CAMK4: variants seen among roughly 807,000 people sequenced by gnomAD.
The protein encoded by CAMK4 is calcium/calmodulin dependent protein kinase IV.
In CAMK4, 22 loss-of-function variants were observed where a neutral mutation model predicts 44.9. That is an observed-to-expected ratio of 0.49 (90% CI 0.35 to 0.70). CAMK4 has a LOEUF of 0.70. Among genes scored for constraint, CAMK4 ranks in the 30% least tolerant of loss-of-function variants. The pLI is 0.01. For synonymous variants in CAMK4, 218 were observed against 215.4 expected (o/e 1.01, Z -0.11); for missense variants, 498 against 586.8 (o/e 0.85, Z 1.56).
At chr5:111,461,738 C>A (rs542907275) in intron 7 of CAMK4, among the ~76,000 whole-genome samples, 1 of 141,428 alleles carries the variant, frequency 7.1e-6, no homozygotes, top group Non-Finnish European at 1.5e-5. Flanking sequence ...TAGAGAGACT[C>A]TAGATGCTGG....
intron 4 of CAMK4, among the ~76,000 whole-genome samples, chr5:111,385,669 G>T (rs1751574708): frequency 6.6e-6 from 1 of 152,186 alleles, no homozygotes; most frequent in East Asian, 1.9e-4. Context: ...CACCTCCCGG[G>T]TTCACTCCAT....
At chr5:111,241,249 G>A (rs189966365) in intron 1 of CAMK4, among the ~76,000 whole-genome samples, 37 of 151,238 alleles carry the variant, frequency 2.4e-4, no homozygotes, top group Non-Finnish European at 2.7e-4. Context: ...TAATTACCAT[G>A]TCTTCCTTGC....
chr5:111,253,075 C>T (rs1192974359), intron 1 of CAMK4, among the ~76,000 whole-genome samples: 7 of 152,180 alleles, frequency 4.6e-5, no homozygotes, highest in African/African-American at 7.2e-5. Context: ...TTGTAGGTTA[C>T]TTGGCTTCCG....
chr5:111,458,139 T>C (rs559508802), intron 7 of CAMK4, among the ~76,000 whole-genome samples: 62 of 152,258 alleles, frequency 4.1e-4, no homozygotes, highest in Non-Finnish European at 6.0e-4. Flanking sequence ...ACTTTCTCCC[T>C]AAGGAGATTG....
At chr5:111,376,372 C>CTT (rs1383580325) in intron 3 of CAMK4, among the ~76,000 whole-genome samples, 3 of 151,988 alleles carry the variant, frequency 2.0e-5, no homozygotes, top group African/African-American at 7.2e-5. Context: ...CCACTGACAG[C>CTT]TTTTTAACTA....
At chr5:111,394,344 TAAAAC>T (rs949793656) in intron 4 of CAMK4, among the ~76,000 whole-genome samples, 14 of 152,266 alleles carry the variant, frequency 9.2e-5, no homozygotes, top group African/African-American at 2.2e-4. Flanking sequence ...ATTAAGCAGA[TAAAAC>T]AAAACTTCAT....
At chr5:111,374,458 C>T (rs1034208562) in intron 2 of CAMK4, among the ~76,000 whole-genome samples, 7 of 152,056 alleles carry the variant, frequency 4.6e-5, no homozygotes, top group South Asian at 4.1e-4. Context: ...GTGCTACATC[C>T]GTGTGAGAAG....
intron 7 of CAMK4, among the ~76,000 whole-genome samples, chr5:111,465,253 A>G (rs1016230816): frequency 6.6e-6 from 1 of 152,040 alleles, no homozygotes; most frequent in African/African-American, 2.4e-5. Context: ...AAAAAGTCTG[A>G]AAGAGCACAA....
intron 5 of CAMK4, among the ~76,000 whole-genome samples, chr5:111,417,985 C>G (rs1023049940): frequency 6.6e-6 from 1 of 151,768 alleles, no homozygotes; most frequent in East Asian, 1.9e-4. Flanking sequence ...ATACTTACAA[C>G]TGATATTTTG....
At chr5:111,238,808 CTTTTTTTTTTTTTT>C (rs57552178) in intron 1 of CAMK4, among the ~76,000 whole-genome samples, 4 of 45,892 alleles carry the variant, frequency 8.7e-5, no homozygotes, top group Non-Finnish European at 1.7e-4. Flanking sequence ...AGAGGCTCTT[CTTTTTTTTTTTTTT>C]TTTTTTTTTT....
At chr5:111,321,933 CAT>C (rs1748680356) in intron 1 of CAMK4, among the ~76,000 whole-genome samples, 1 of 152,040 alleles carries the variant, frequency 6.6e-6, no homozygotes, top group Non-Finnish European at 1.5e-5. Context: ...AAAGAATAAA[CAT>C]ATTATTTTCC....
intron 5 of CAMK4, among the ~76,000 whole-genome samples, chr5:111,434,220 G>A (rs1452394999): frequency 1.3e-5 from 2 of 151,832 alleles, no homozygotes; most frequent in Non-Finnish European, 2.9e-5. Context: ...TTGAATCTGG[G>A]AGGCGGAGGT....
chr5:111,277,683 G>T (rs770511512), intron 1 of CAMK4: 1 of 151,900 alleles, frequency 6.6e-6, no homozygotes, highest in Non-Finnish European at 1.5e-5. Flanking sequence ...AAACTCAGTC[G>T]TGTTTTTTTT....
intron 1 of CAMK4, among the ~76,000 whole-genome samples, chr5:111,237,848 C>T (rs1049695821): frequency 3.3e-5 from 5 of 152,184 alleles, no homozygotes; most frequent in Non-Finnish European, 7.3e-5. Flanking sequence ...TAGTCTGTTC[C>T]ATGTCTATCT....
rs750834121 is a variant in CAMK4, at chr5:111,473,313, C to T, written c.628C>T (p.Pro210Ser). 2.1e-5 allele frequency: 34 copies of T among 1,607,376 alleles called. No homozygotes were observed. The highest frequency in any genetic ancestry group is 2.7e-5 in the Non-Finnish European group (32 of 1,174,396). ...CACAATTTTCACTTTTTCTGCAGCA[C>T]CTGAAATTCTTAGAGGTTGTGCCTA... ...TVCGTPGYCA[P>S]EILRGCAYGP... The change falls in exon 8 of 11, where the codon CCT (proline) becomes TCT (serine). Residue 210 changes from proline to serine, a missense_variant and splice_region_variant. Physicochemically the swap from Pro to Ser is moderately conservative, Grantham distance 74 (BLOSUM62 -1). Transcript: ENST00000282356.
chr5:111,394,637 T>C (rs1464391502), intron 4 of CAMK4, 73 bp from the exon 5 acceptor site: 3 of 963,492 alleles, frequency 3.1e-6, no homozygotes, highest in Non-Finnish European at 4.9e-6. Flanking sequence ...AACATTAATT[T>C]ACTTAACTTC....
intron 5 of CAMK4, among the ~76,000 whole-genome samples, chr5:111,419,270 G>C (rs539785368): frequency 6.6e-6 from 1 of 152,056 alleles, no homozygotes; most frequent in Admixed American, 6.5e-5. Context: ...CAAATCCTTC[G>C]CCCACTTTTT....
At chr5:111,393,781 C>T (rs924917635) in intron 4 of CAMK4, among the ~76,000 whole-genome samples, 1 of 151,840 alleles carries the variant, frequency 6.6e-6, no homozygotes, top group Admixed American at 6.6e-5. Context: ...AGGCTTAATA[C>T]CTGGGTGATG....
chr5:111,367,649 A>G (rs369406), intron 2 of CAMK4, among the ~76,000 whole-genome samples: 139,479 of 152,124 alleles, frequency 0.92, 64,057 homozygotes, highest in East Asian at 1. Flanking sequence ...TTTTGGGTTT[A>G]AATGAGATAG....
Sources: allele counts gnomAD v4.1 joint callset (sites outside exome capture counted in the v4.1 genomes callset), GRCh38; gene constraint gnomAD v4.1.1; transcripts MANE v1.5; gene names NCBI Gene and HGNC (gene_info 2026-07-23, HGNC 2026-07-21).